The following NAB1 variants were observed in gnomAD, a reference collection of about 807,000 sequenced individuals.
The protein encoded by NAB1 is NGFI-A binding protein 1.
Under a neutral mutation model 49.9 loss-of-function variants are expected in NAB1, and 25 were observed. The ratio of observed to expected loss-of-function variants is 0.50; its 90% CI spans 0.37 to 0.70. The LOEUF is 0.70. NAB1 is among the 30% of genes least tolerant of loss of function. The pLI is 0.00. For synonymous variants in NAB1, 198 were observed against 215.6 expected, an observed-to-expected ratio of 0.92 and a Z score of 0.71; for missense variants, 489 against 575.9, an observed-to-expected ratio of 0.85 and a Z score of 1.54.
chr2:190,655,424 C>G (rs1693868236), intron 2 of NAB1, among the ~76,000 whole-genome samples: 1 of 151,644 alleles, frequency 6.6e-6, no homozygotes, highest in South Asian at 2.1e-4. Context: ...TATGGACACA[C>G]AATAGAAAAG....
At chr2:190,653,961 C>T (rs569403176) in intron 2 of NAB1, among the ~76,000 whole-genome samples, 12 of 152,276 alleles carry the variant, frequency 7.9e-5, no homozygotes, top group African/African-American at 2.9e-4. Context: ...GGTAAAGTAA[C>T]AGGATGCCCT....
intron 6 of NAB1, among the ~76,000 whole-genome samples, chr2:190,681,592 C>T (rs2125829140): frequency 6.6e-6 from 1 of 152,308 alleles, no homozygotes; most frequent in African/African-American, 2.4e-5. Flanking sequence ...CTATTTTCAA[C>T]ACTTCAAAAG....
chr2:190,660,121 G>A (rs1325471131), intron 4 of NAB1, 126 bp downstream of exon 4: 4 of 805,114 alleles, frequency 5.0e-6, no homozygotes, highest in Non-Finnish European at 7.9e-6. Context: ...AAACATTGAG[G>A]TGTTAGCAAC....
chr2:190,684,886 A>G lies in NAB1; in HGVS notation c.1096-590A>G, dbSNP rs1216353916. On this transcript the variant is annotated intron_variant, in intron 7 of 9. Coordinates refer to ENST00000337386, the MANE Select transcript of NAB1 (RefSeq NM_005966.4). The surrounding 1 kb of genome is among the most constrained non-coding windows in gnomAD (Gnocchi z 4.6). Reference sequence around the variant, plus strand: ...TATATTTAAAATATGCCTTTTTATGATTGGTTGGGAAATACTGCAGTTTCA... The same window carrying G: ...TATATTTAAAATATGCCTTTTTATGGTTGGTTGGGAAATACTGCAGTTTCA... Among the ~76,000 whole-genome samples the G allele has an allele frequency of 6.6e-6, 1 of 152,182 alleles. No individual in the cohort carries two copies. Among genetic ancestry groups the G allele is most frequent in the East Asian group, 1.9e-4 (1 of 5,202 alleles).
rs1695831839 is a variant in NAB1, at chr2:190,689,932, T to C, written c.1376-313T>C. 1.3e-5 allele frequency among the ~76,000 whole-genome samples: 1 copy of C among 75,130 alleles called. No individual in the cohort carries two copies. The highest frequency in any genetic ancestry group is 3.1e-5 in the Non-Finnish European group (1 of 32,458). 49.3% of individuals were successfully genotyped at this position (75,130 alleles called of 152,430 possible). Reference sequence around the variant, plus strand: ...TCATTATTTAACTTTCGTGCCACTTTATGTAGATACTATTCCTATTTTATA... The same window carrying C: ...TCATTATTTAACTTTCGTGCCACTTCATGTAGATACTATTCCTATTTTATA... On this transcript the variant is annotated intron_variant, in intron 9 of 9. Coordinates refer to ENST00000337386, the MANE Select transcript of NAB1 (RefSeq NM_005966.4). The surrounding 1 kb of genome is among the most constrained non-coding windows in gnomAD (Gnocchi z 4.3).
rs1207357006 is a variant in NAB1 at position 190,684,079 on chromosome 2, T to C, written c.1095+252T>C. On this transcript the variant is annotated intron_variant, in intron 7 of 9. Transcript: ENST00000337386. This position sits in a 1 kb window ranked among gnomAD's most constrained non-coding sequence, Gnocchi z 4.6. ...TAGTTTTGTAGGAAGTGAGACAGAT[T>C]CTCTGCTCAAGAAAACTTAAACAGT... Among the ~76,000 whole-genome samples, 1 of 152,170 alleles carries C rather than the reference T, an allele frequency of 6.6e-6. No individual in the cohort carries two copies. Among genetic ancestry groups the C allele is most frequent in the Non-Finnish European group, 1.5e-5 (1 of 68,020 alleles).
chr2:190,679,936 C>T lies in NAB1; in HGVS notation c.1006-3802C>T, dbSNP rs1021145383. Among the ~76,000 whole-genome samples, 4 of 152,202 alleles carry T rather than the reference C, an allele frequency of 2.6e-5. No homozygotes were observed. The highest frequency in any genetic ancestry group is 7.2e-5 in the African/African-American group (3 of 41,448). On this transcript the variant is annotated intron_variant, in intron 6 of 9. Transcript: ENST00000337386. This position sits in a 1 kb window ranked among gnomAD's most constrained non-coding sequence, Gnocchi z 5.3. ...CCTGCTTACCTGGCTTATCTACACA[C>T]GGAGGTCTCACTAGCAAATGAGCTC...
rs561687666 is a variant in NAB1, at chr2:190,685,796, A to G, written c.1258+158A>G. 3.4e-4 allele frequency: 222 copies of G among 657,808 alleles called. No individual in the cohort carries two copies. The highest frequency in any genetic ancestry group is 4.6e-4 in the Non-Finnish European group (207 of 450,494). 40.7% of individuals were successfully genotyped at this position (657,808 alleles called of 1,614,324 possible). ...TTTTGAATTCTTCATTTTTCTAAAA[A>G]GATAATTTATCCTGCAAATTTTAAT... On this transcript the variant is annotated intron_variant, in intron 8 of 9. Coordinates refer to ENST00000337386, the MANE Select transcript of NAB1 (RefSeq NM_005966.4). This position sits in a 1 kb window ranked among gnomAD's most constrained non-coding sequence, Gnocchi z 4.5.
chr2:190,690,166 G>T, intron 9 of NAB1, 79 bp from the exon 10 acceptor site: 1 of 993,386 alleles, frequency 1.0e-6, no homozygotes, highest in Non-Finnish European at 1.6e-6. Context: ...GGAGTTTGGG[G>T]GTTTGTTTTA....
rs902674139 is a variant in NAB1 at position 190,654,879 on chromosome 2, A to G, written c.-196-1098A>G. On this transcript the variant is annotated intron_variant, in intron 2 of 9. Transcript: ENST00000337386. This position sits in a 1 kb window ranked among gnomAD's most constrained non-coding sequence, Gnocchi z 5.6. ...ATCCAAACTTACTTAAATCCGGGAA[A>G]CTGAAAGACCAATGGTGCAACTGAA... Among the ~76,000 whole-genome samples the G allele has an allele frequency of 1.3e-5, 2 of 152,210 alleles. No individual in the cohort carries two copies. The highest frequency in any genetic ancestry group is 4.8e-5 in the African/African-American group (2 of 41,460).
Position 190,667,458 on chromosome 2 carries a change from T to C in NAB1, c.820-2868T>C, listed in dbSNP as rs1694581896. ...CATGCTGAAACTGATTTATTTTGAA[T>C]ATCATTATTTAAAGTATACATTTCA... On this transcript the variant is annotated intron_variant, in intron 4 of 9. Coordinates refer to ENST00000337386, the MANE Select transcript of NAB1 (RefSeq NM_005966.4). The surrounding 1 kb of genome is among the most constrained non-coding windows in gnomAD (Gnocchi z 4.4). Among the ~76,000 whole-genome samples, 1 of 152,252 alleles carries C rather than the reference T, an allele frequency of 6.6e-6. No homozygotes were observed. The highest frequency in any genetic ancestry group is 6.5e-5 in the Admixed American group (1 of 15,286).
intron 4 of NAB1, among the ~76,000 whole-genome samples, chr2:190,664,232 G>A (rs1000687189): frequency 6.6e-6 from 1 of 152,040 alleles, no homozygotes. Context: ...TTTGTATTAC[G>A]CAGTAATCTT....
chr2:190,686,533 GA>G lies in NAB1; in HGVS notation c.1259-666del, dbSNP rs1372029646. On this transcript the variant is annotated intron_variant, in intron 8 of 9. Transcript: ENST00000337386. The surrounding 1 kb of genome is among the most constrained non-coding windows in gnomAD (Gnocchi z 5.5). ...GTCAACACATCAGAGTACTGGAAGA[GA>G]AGAAAGTTCTTCCTTTTAAAAATAT... Among the ~76,000 whole-genome samples, 1 of 152,186 alleles carries G rather than the reference GA, an allele frequency of 6.6e-6. No homozygotes were observed. The highest frequency in any genetic ancestry group is 2.4e-5 in the African/African-American group (1 of 41,448).
intron 5 of NAB1, among the ~76,000 whole-genome samples, chr2:190,671,505 T>G (rs537042113): frequency 6.6e-6 from 1 of 152,144 alleles, no homozygotes; most frequent in Admixed American, 6.5e-5. Flanking sequence ...TTTTTTGGAG[T>G]TGGATAATCA....
At chr2:190,668,799 A>G (rs1466406280) in intron 4 of NAB1, among the ~76,000 whole-genome samples, 1 of 152,174 alleles carries the variant, frequency 6.6e-6, no homozygotes, top group African/African-American at 2.4e-5. Context: ...CTTATCTGTG[A>G]GGGACACATT....
rs1365668521 is a variant in NAB1 at position 190,669,195 on chromosome 2, A to G, written c.820-1131A>G. On this transcript the variant is annotated intron_variant, in intron 4 of 9. Coordinates refer to ENST00000337386, the MANE Select transcript of NAB1 (RefSeq NM_005966.4). This position sits in a 1 kb window ranked among gnomAD's most constrained non-coding sequence, Gnocchi z 4.3. The stretch of plus-strand genomic sequence containing the variant: ...TGAGATGGCACACAGTTTAAAACTT[A>G]TGAATTGTTTATTTGTATAATTTTT... Among the ~76,000 whole-genome samples, 1 of 152,254 alleles carries G rather than the reference A, an allele frequency of 6.6e-6. No homozygotes were observed.
chr2:190,683,927 CTT>C, intron 7 of NAB1, 100 bp downstream of exon 7: 1 of 888,778 alleles, frequency 1.1e-6, no homozygotes, highest in South Asian at 1.6e-5. Context: ...TGAGGCCTGA[CTT>C]TTTATTTCCG....
In NAB1 at chr2:190,654,273, T is replaced by A. The variant is rs1358527258; in HGVS notation, c.-196-1704T>A. Among the ~76,000 whole-genome samples the A allele has an allele frequency of 6.6e-6, 1 of 152,228 alleles. No homozygotes were observed. Among genetic ancestry groups the A allele is most frequent in the East Asian group, 1.9e-4 (1 of 5,196 alleles). On this transcript the variant is annotated intron_variant, in intron 2 of 9. Transcript: ENST00000337386. The surrounding 1 kb of genome is among the most constrained non-coding windows in gnomAD (Gnocchi z 5.6). ...GCTGCACAGCATTTACCACATTGTT[T>A]AAGTCTCTGCTTCTTGTCTCTCCTT...
chr2:190,683,088 T>A (rs1695428155), intron 6 of NAB1, among the ~76,000 whole-genome samples: 1 of 152,010 alleles, frequency 6.6e-6, no homozygotes, highest in African/African-American at 2.4e-5. Flanking sequence ...TAAATGTTTT[T>A]TATGTGTTTT....
Sources: allele counts gnomAD v4.1 joint callset (sites outside exome capture counted in the v4.1 genomes callset), GRCh38; gene constraint gnomAD v4.1.1; non-coding constraint Gnocchi (gnomAD v3.1); transcripts MANE v1.5; gene names NCBI Gene and HGNC (gene_info 2026-07-23, HGNC 2026-07-21).